Variants in CORO2B observed in about 807,000 individuals in gnomAD.
The protein encoded by CORO2B is coronin-2B.
In CORO2B, 26 loss-of-function variants were observed where a neutral mutation model predicts 58.8. That is an observed-to-expected ratio of 0.44 (90% CI 0.32 to 0.61). The LOEUF (loss-of-function observed/expected upper bound fraction) is 0.61, where lower values mean the gene tolerates loss of function less well. Ranked by LOEUF, CORO2B falls within the 20% of genes least tolerant of loss-of-function variation. CORO2B has a pLI of 0.04. For synonymous variants in CORO2B, 242 were observed against 253.8 expected, an observed-to-expected ratio of 0.95 and a Z score of 0.44; for missense variants, 460 against 645.1, an observed-to-expected ratio of 0.71 and a Z score of 3.11.
chr15:68,631,881 C>T (rs1387665839), intron 1 of CORO2B: 12 of 924,362 alleles, frequency 1.3e-5, no homozygotes, highest in Admixed American at 1.2e-4. Context: ...AGGTGCTCCT[C>T]GCAGTCAGTG....
chr15:68,581,489 A>G (rs1899423459), intron 1 of CORO2B, among the ~76,000 whole-genome samples: 1 of 152,138 alleles, frequency 6.6e-6, no homozygotes, highest in Non-Finnish European at 1.5e-5. Flanking sequence ...TGGAAGTCTG[A>G]AGGCCTGGCC....
intron 2 of CORO2B, among the ~76,000 whole-genome samples, chr15:68,668,097 G>C (rs1339403058): frequency 6.6e-6 from 1 of 152,172 alleles, no homozygotes; most frequent in Non-Finnish European, 1.5e-5. Flanking sequence ...TGAGGAAACA[G>C]GTATAGCTTA....
At chr15:68,620,052 C>T (rs895521820) in intron 1 of CORO2B, among the ~76,000 whole-genome samples, 2 of 152,100 alleles carry the variant, frequency 1.3e-5, no homozygotes, top group Non-Finnish European at 2.9e-5. Flanking sequence ...GCTGGGATTA[C>T]AGGCGCACGC....
intron 3 of CORO2B, among the ~76,000 whole-genome samples, chr15:68,706,001 A>G (rs1425672114): frequency 6.6e-6 from 1 of 152,096 alleles, no homozygotes; most frequent in Non-Finnish European, 1.5e-5. Flanking sequence ...CATAGGTGTA[A>G]CCCAGAGATG....
rs1233067924 is a variant in CORO2B at position 68,692,699 on chromosome 15, TATC to T, written c.217-2439_217-2437del. ...CCCAGACTGGAGTGCAGTGGTGTGA[TATC>T]AGCTCCCTGCAACCCTCGCCTCCTA... On this transcript the variant is annotated intron_variant, in intron 2 of 11. Transcript: ENST00000261861. Among the ~76,000 whole-genome samples the T allele has an allele frequency of 4.2e-4, 63 of 151,264 alleles. 1 individual carries two copies. The highest frequency in any genetic ancestry group is 4.1e-3 in the Admixed American group (62 of 15,230).
intron 3 of CORO2B, among the ~76,000 whole-genome samples, chr15:68,698,117 CCCCA>C (rs1892557471): frequency 6.6e-6 from 1 of 152,178 alleles, no homozygotes; most frequent in Non-Finnish European, 1.5e-5. Flanking sequence ...GCACTGCCAC[CCCCA>C]AACTGAGGGT....
At chr15:68,535,563 T>G in the CORO2B span, among the ~76,000 whole-genome samples, 5 of 152,204 alleles carry the variant, frequency 3.3e-5, no homozygotes, top group Non-Finnish European at 7.4e-5. Context: ...CATACAGTGT[T>G]GATACCACTC....
intron 11 of CORO2B, among the ~76,000 whole-genome samples, chr15:68,723,584 G>A (rs560880051): frequency 6.6e-6 from 1 of 151,972 alleles, no homozygotes; most frequent in Admixed American, 6.5e-5. Flanking sequence ...CTCCCGAGTA[G>A]CTGGGATTAC....
At chr15:68,659,755 G>A (rs1237904086) in intron 2 of CORO2B, among the ~76,000 whole-genome samples, 2 of 152,150 alleles carry the variant, frequency 1.3e-5, no homozygotes, top group Non-Finnish European at 1.5e-5. Context: ...CCAACATGGC[G>A]AAACCCCGTC....
intron 1 of CORO2B, chr15:68,641,720 CTTTATTTTTTA>C: frequency 2.9e-6 from 1 of 341,424 alleles, no homozygotes; most frequent in African/African-American, 2.2e-5. Context: ...GATTAGCCAC[CTTTATTTTTTA>C]TTTATTTTTT....
chr15:68,637,471 A>G (rs988200359), intron 1 of CORO2B, among the ~76,000 whole-genome samples: 1 of 152,184 alleles, frequency 6.6e-6, no homozygotes, highest in Non-Finnish European at 1.5e-5. Context: ...TCTTTCCTTC[A>G]TGACAGTGCC....
chr15:68,694,138 G>C (rs552319225), intron 2 of CORO2B, among the ~76,000 whole-genome samples: 8 of 152,212 alleles, frequency 5.3e-5, no homozygotes, highest in African/African-American at 1.9e-4. Flanking sequence ...ACCCGGCTTG[G>C]TTGTGTTATA....
chr15:68,630,444 G>A (rs1431722003), intron 1 of CORO2B, among the ~76,000 whole-genome samples: 3 of 151,924 alleles, frequency 2.0e-5, no homozygotes, highest in Admixed American at 6.6e-5. Flanking sequence ...TTCCTGGCAG[G>A]GGCAGGCCTG....
chr15:68,609,449 G>C (rs762871478), intron 1 of CORO2B, among the ~76,000 whole-genome samples: 2 of 152,122 alleles, frequency 1.3e-5, no homozygotes, highest in Non-Finnish European at 2.9e-5. Flanking sequence ...ATCAGTTTGT[G>C]GTCCACATCA....
At chr15:68,568,710 T>C in the CORO2B span, among the ~76,000 whole-genome samples, 1 of 152,186 alleles carries the variant, frequency 6.6e-6, no homozygotes, top group Non-Finnish European at 1.5e-5. Flanking sequence ...ATAGATTTTA[T>C]TTTTTAGAGC....
chr15:68,673,122 G>T (rs1902458609), intron 2 of CORO2B, among the ~76,000 whole-genome samples: 1 of 152,188 alleles, frequency 6.6e-6, no homozygotes, highest in South Asian at 2.1e-4. Flanking sequence ...GTGGGTGGTG[G>T]AAGTGCAGAG....
the CORO2B span, among the ~76,000 whole-genome samples, chr15:68,562,588 A>C: frequency 2.6e-5 from 4 of 152,260 alleles, no homozygotes; most frequent in Non-Finnish European, 4.4e-5. Context: ...AAATACATAT[A>C]CAAAAAAATT....
chr15:68,540,404 T>A, the CORO2B span, among the ~76,000 whole-genome samples: 1 of 152,258 alleles, frequency 6.6e-6, no homozygotes, highest in Non-Finnish European at 1.5e-5. Context: ...GCAGCAATGA[T>A]TGTCAATTAT....
At chr15:68,559,646 C>T in the CORO2B span, 22 of 985,250 alleles carry the variant, frequency 2.2e-5, no homozygotes, top group East Asian at 1.6e-3. This position sits in a 1 kb window ranked among gnomAD's most constrained non-coding sequence, Gnocchi z 4.3. Context: ...CTTTCCCTAA[C>T]CCTTTCCCTG....
Sources: allele counts gnomAD v4.1 joint callset (sites outside exome capture counted in the v4.1 genomes callset), GRCh38; gene constraint gnomAD v4.1.1; non-coding constraint Gnocchi (gnomAD v3.1); transcripts MANE v1.5; gene names NCBI Gene and HGNC (gene_info 2026-07-23, HGNC 2026-07-21).